The following SPICE1 variants were observed in gnomAD, a reference collection of about 807,000 sequenced individuals.
The protein encoded by SPICE1 is spindle and centriole associated protein 1.
A neutral mutation model predicts 102.7 loss-of-function variants in SPICE1; 75 were observed. The ratio of observed to expected loss-of-function variants is 0.73; its 90% confidence interval spans 0.61 to 0.88. The LOEUF (loss-of-function observed/expected upper bound fraction) is 0.88. SPICE1 is among the 40% of genes least tolerant of loss of function. SPICE1 has a pLI of 0.00. For synonymous variants in SPICE1, 308 were observed against 350.3 expected (o/e 0.88, Z 1.35); for missense variants, 979 against 1,020.1 (o/e 0.96, Z 0.55).
chr3:113,451,045 C>A (rs1179937443), intron 14 of SPICE1, among the ~76,000 whole-genome samples: 1 of 152,148 alleles, frequency 6.6e-6, no homozygotes, highest in African/African-American at 2.4e-5. Context: ...TAAGTAAATG[C>A]CACACATCTT....
At chr3:113,451,656 T>C (rs1291715021) in intron 14 of SPICE1, among the ~76,000 whole-genome samples, 1 of 152,168 alleles carries the variant, frequency 6.6e-6, no homozygotes, top group Non-Finnish European at 1.5e-5. Context: ...GAGTTGCCTG[T>C]TATGAATAAT....
At chr3:113,514,589 G>C in intron 1 of SPICE1, 1 of 460,150 alleles carries the variant, frequency 2.2e-6, no homozygotes, top group South Asian at 1.6e-5. Flanking sequence ...TTTTCCCTCT[G>C]CTTGGAACAC....
At chr3:113,457,378 T>C in intron 12 of SPICE1, 21 bp from the exon 13 acceptor site, 1 of 1,611,350 alleles carries the variant, frequency 6.2e-7, no homozygotes, top group Non-Finnish European at 8.5e-7. Context: ...TGAGAGGATA[T>C]TAGTACAATA....
At chr3:113,450,302 T>C (rs1291659510) in intron 15 of SPICE1, 34 bp downstream of exon 15, 1 of 1,612,270 alleles carries the variant, frequency 6.2e-7, no homozygotes, top group Non-Finnish European at 8.5e-7. Flanking sequence ...AACCTTCATA[T>C]TTCTAGTTTT....
chr3:113,448,821 CAA>C (rs1416729864), intron 15 of SPICE1: 2 of 152,058 alleles, frequency 1.3e-5, no homozygotes, highest in African/African-American at 2.4e-5. Context: ...CCCTAGAAAA[CAA>C]AAGAGGTTTT....
chr3:113,459,061 G>C (rs1395765339), intron 12 of SPICE1, among the ~76,000 whole-genome samples: 1 of 152,176 alleles, frequency 6.6e-6, no homozygotes, highest in Non-Finnish European at 1.5e-5. Context: ...ACTCCATTTT[G>C]TTCTGTACTA....
At position 113,453,914 on chromosome 3, in the gene SPICE1, C is replaced by T. The variant is rs1370079906; in HGVS notation, c.1694G>A (p.Arg565Gln). 1 of 1,613,866 alleles carries T rather than the reference C, an allele frequency of 6.2e-7. No homozygotes were observed. The highest frequency in any genetic ancestry group is 8.5e-7 in the Non-Finnish European group (1 of 1,179,878). The change falls in exon 14 of 18, where the codon CGA becomes CAA. Residue 565 changes from arginine to glutamine, a missense_variant. Arg to Gln is a conservative substitution (Grantham distance 43). Transcript: ENST00000295872. The part of the protein sequence containing the change: ...RRTVQTRPAP[R>Q]LPPTVEIIEK... ...AATTATTTCCACAGTTGGAGGAAGTCGTGGAGCAGGACGAGTTTGAACAGT... is the reference window on the plus strand; with the variant it reads ...AATTATTTCCACAGTTGGAGGAAGTTGTGGAGCAGGACGAGTTTGAACAGT...
chr3:113,477,107 A>T (rs1231903308), intron 7 of SPICE1, among the ~76,000 whole-genome samples: 1 of 152,162 alleles, frequency 6.6e-6, no homozygotes, highest in Non-Finnish European at 1.5e-5. Flanking sequence ...AAACAACCCC[A>T]TCAAAAAGTG....
At chr3:113,504,727 C>A (rs1293310506) in intron 2 of SPICE1, among the ~76,000 whole-genome samples, 7 of 152,206 alleles carry the variant, frequency 4.6e-5, no homozygotes, top group Admixed American at 4.6e-4. Context: ...AATAATAATT[C>A]CATCAATACT....
At chr3:113,498,081 G>T (rs1373170737) in intron 4 of SPICE1, among the ~76,000 whole-genome samples, 1 of 152,042 alleles carries the variant, frequency 6.6e-6, no homozygotes, top group Admixed American at 6.5e-5. Context: ...TCACCATGTT[G>T]GCCAGGCTGG....
chr3:113,494,173 T>TTTG, intron 4 of SPICE1, 31 bp from the exon 5 acceptor site: 2 of 1,417,778 alleles, frequency 1.4e-6, no homozygotes, highest in Non-Finnish European at 2.0e-6. Context: ...AATATTATTA[T>TTTG]TCAGATTATA....
At position 113,506,513 on chromosome 3, in the gene SPICE1, T is replaced by C. The variant is rs1253760650; in HGVS notation, c.93A>G (p.Glu31=). The C allele has an allele frequency of 6.2e-7, 1 of 1,611,876 alleles. No homozygotes were observed. The highest frequency in any genetic ancestry group is 8.5e-7 in the Non-Finnish European group (1 of 1,178,396). The part of the protein sequence containing the change: ...VKKKKTSVKQ[E]WDNTVTDLTV... ...CTATCCCACCTATACTCACATCCCA[T>C]TCTTGTTTCACTGAAGTTTTCTTCT... The change falls in exon 2 of 18, where the codon GAA becomes GAG. Residue 31 remains glutamate (E), a synonymous_variant. Coordinates refer to ENST00000295872, the MANE Select transcript of SPICE1 (RefSeq NM_144718.4).
chr3:113,475,774 G>A (rs963653938), intron 7 of SPICE1, among the ~76,000 whole-genome samples: 7 of 152,184 alleles, frequency 4.6e-5, no homozygotes, highest in African/African-American at 1.7e-4. Flanking sequence ...AGGTATCGAT[G>A]GGATGTATCT....
At chr3:113,446,526 C>T in intron 17 of SPICE1, 63 bp downstream of exon 17, 4 of 1,196,916 alleles carry the variant, frequency 3.3e-6, no homozygotes, top group Non-Finnish European at 4.9e-6. Flanking sequence ...ATGGAAATCA[C>T]TAAATCAGCC....
intron 11 of SPICE1, among the ~76,000 whole-genome samples, chr3:113,463,368 G>T (rs1935979135): frequency 6.6e-6 from 1 of 152,140 alleles, no homozygotes; most frequent in Admixed American, 6.5e-5. Flanking sequence ...GCCCACAGCA[G>T]GTGTTCAACA....
Position 113,468,970 on chromosome 3 carries a change from A to C in SPICE1, c.752-71T>G, listed in dbSNP as rs1007678702. The C allele has an allele frequency of 2.6e-6, 4 of 1,567,068 alleles. No individual in the cohort carries two copies. In the African/African-American group the frequency reaches 5.5e-5, roughly 22 times the overall value. ...CTTAAGAAAGTATTTCAATTGACAG[A>C]TCCATCAGTATTTTAGTCAATTAGG... On this transcript the variant is annotated intron_variant, in intron 8 of 17. Coordinates refer to ENST00000295872, the MANE Select transcript of SPICE1 (RefSeq NM_144718.4).
Position 113,446,670 on chromosome 3 carries a change from G to A in SPICE1, c.2433C>T (p.Ser811=), listed in dbSNP as rs143476887. 6.9e-4 allele frequency: 1,111 copies of A among 1,611,814 alleles called. 7 individuals are homozygous for A. The African/African-American group carries it at 0.012, about 17-fold the overall frequency. ...GAGAACAAGAATTACCAGTAGCCCC[G>A]GAAGATCTATTCATGAAAAATAAAA... ...PVSGINTRRS[S]GATGNSCSPL... is the part of the protein sequence containing the mutation. The change falls in exon 17 of 18, where the codon TCC becomes TCT. Residue 811 remains serine (S), a synonymous_variant. Coordinates refer to ENST00000295872, the MANE Select transcript of SPICE1 (RefSeq NM_144718.4).
chr3:113,478,218 T>C (rs1299637592), intron 7 of SPICE1, among the ~76,000 whole-genome samples: 3 of 152,134 alleles, frequency 2.0e-5, no homozygotes, highest in African/African-American at 4.8e-5. Flanking sequence ...AACATATCAG[T>C]AAGTGTTATA....
intron 13 of SPICE1, among the ~76,000 whole-genome samples, chr3:113,456,538 T>C (rs930786488): frequency 6.6e-6 from 1 of 152,206 alleles, no homozygotes; most frequent in Non-Finnish European, 1.5e-5. Flanking sequence ...AGACCATTCA[T>C]GAACCCTAAG....
Sources: allele counts gnomAD v4.1 joint callset (sites outside exome capture counted in the v4.1 genomes callset), GRCh38; gene constraint gnomAD v4.1.1; transcripts MANE v1.5; gene names NCBI Gene and HGNC (gene_info 2026-07-23, HGNC 2026-07-21).